DMTF1: variants seen among roughly 807,000 people sequenced by gnomAD.
DMTF1 encodes cyclin D binding myb like transcription factor 1, also known as cyclin-D-binding Myb-like transcription factor 1.
DMTF1 carries 39 observed loss-of-function variants against 91.1 expected under a neutral mutation model. The observed-to-expected ratio is 0.43, with a 90% CI of 0.33 to 0.56. The LOEUF (loss-of-function observed/expected upper bound fraction) is 0.56, where lower values mean the gene tolerates loss of function less well. DMTF1 is among the 20% of genes least tolerant of loss of function. The pLI is 0.05. For synonymous variants in DMTF1, 338 were observed against 309.5 expected (o/e 1.09, Z -0.97); for missense variants, 750 against 914.5 (o/e 0.82, Z 2.32).
In DMTF1 at chr7:87,191,935, C is replaced by T. The variant is rs137967279; in HGVS notation, c.1494+908C>T. On this transcript the variant is annotated intron_variant, in intron 14 of 17. Transcript: ENST00000331242. ...TAGTGCAAGACTTTATTCATCCTCT[C>T]CCCAGCCAAATCCCAAGAGGATGGC... Among the ~76,000 whole-genome samples, 106 of 152,226 alleles carry T rather than the reference C, an allele frequency of 7.0e-4. 2 individuals carry two copies. In the East Asian group the frequency reaches 0.016, roughly 23 times the overall value.
At chr7:87,185,524 G>A (rs1798217903) in intron 11 of DMTF1, among the ~76,000 whole-genome samples, 1 of 152,126 alleles carries the variant, frequency 6.6e-6, no homozygotes, top group African/African-American at 2.4e-5. Context: ...AACTAAATCT[G>A]TTCTTATTCT....
chr7:87,172,665 G>C (rs1795341676), intron 5 of DMTF1, among the ~76,000 whole-genome samples: 2 of 152,164 alleles, frequency 1.3e-5, no homozygotes, highest in African/African-American at 4.8e-5. Context: ...ACTGAATTGG[G>C]TTCAGTGGTC....
intron 12 of DMTF1, chr7:87,187,764 T>A (rs1444052319): frequency 6.7e-6 from 2 of 298,700 alleles, no homozygotes; most frequent in Admixed American, 4.8e-5. Flanking sequence ...GCATTGCCAG[T>A]ATTCTTCCTA....
At chr7:87,153,862 T>C (rs1789987089) in intron 1 of DMTF1, among the ~76,000 whole-genome samples, 1 of 152,260 alleles carries the variant, frequency 6.6e-6, no homozygotes, top group African/African-American at 2.4e-5. Flanking sequence ...TTCCACTATG[T>C]TGAAAGTATT....
intron 1 of DMTF1, among the ~76,000 whole-genome samples, chr7:87,159,545 C>A (rs1447129913): frequency 6.6e-6 from 1 of 152,172 alleles, no homozygotes; most frequent in East Asian, 1.9e-4. Flanking sequence ...TTTAAAGATA[C>A]ACAGCAAATG....
At chr7:87,186,816 A>C (rs1186813985) in intron 12 of DMTF1, 1 of 152,144 alleles carries the variant, frequency 6.6e-6, no homozygotes, top group African/African-American at 2.4e-5. Flanking sequence ...TGACAGAATC[A>C]CCTAATGGCT....
rs779982938 is a variant in DMTF1 at position 87,166,616 on chromosome 7, A to G, written c.232+11A>G. On this transcript the variant is annotated intron_variant, in intron 4 of 17. Transcript: ENST00000331242. The stretch of plus-strand genomic sequence containing the variant: ...TTGTTGCACTTCCACGTAAGTCACT[A>G]CGTATTAAGAGCCATAGAGTTCCCT... The G allele has an allele frequency of 4.5e-6, 7 of 1,560,866 alleles. No homozygotes were observed. In the East Asian group the frequency reaches 6.8e-5, roughly 15 times the overall value.
chr7:87,162,646 TG>T (rs1792763972), intron 1 of DMTF1, among the ~76,000 whole-genome samples: 1 of 152,194 alleles, frequency 6.6e-6, no homozygotes, highest in Non-Finnish European at 1.5e-5. Flanking sequence ...AAAAAATTAA[TG>T]GATTCAGAAT....
chr7:87,161,195 A>G (rs1048742403), intron 1 of DMTF1, among the ~76,000 whole-genome samples: 1 of 152,170 alleles, frequency 6.6e-6, no homozygotes, highest in Non-Finnish European at 1.5e-5. Flanking sequence ...AGGTGAGTCA[A>G]GAACATATTT....
rs765944918 is a variant in DMTF1 at position 87,195,080 on chromosome 7, C to T, written c.2223C>T (p.Ser741=). 2.5e-6 allele frequency: 4 copies of T among 1,612,286 alleles called. No homozygotes were observed. Among genetic ancestry groups the T allele is most frequent in the Non-Finnish European group, 3.4e-6 (4 of 1,178,964 alleles). Residue 741 remains serine, a synonymous_variant, in exon 18 of 18, where the codon TCC becomes TCT. Transcript: ENST00000331242. ...AAGAATCAAATATCATTGGATCATC[C>T]TTGGGCAGTCCTGTTTCAGAAGATT... ...HQEESNIIGS[S]LGSPVSEDSK...
chr7:87,175,979 CTG>C (rs1467033770), intron 7 of DMTF1, among the ~76,000 whole-genome samples: 1 of 152,160 alleles, frequency 6.6e-6, no homozygotes, highest in Non-Finnish European at 1.5e-5. Context: ...CTGGCCATCT[CTG>C]TAATGGAGTT....
At chr7:87,170,764 G>C (rs916085401) in intron 4 of DMTF1, among the ~76,000 whole-genome samples, 1 of 152,126 alleles carries the variant, frequency 6.6e-6, no homozygotes, top group Non-Finnish European at 1.5e-5. Context: ...ATGAAGAAAG[G>C]ATTTTTGTTT....
chr7:87,183,315 C>CA (rs1274475624), intron 10 of DMTF1, among the ~76,000 whole-genome samples: 3 of 152,192 alleles, frequency 2.0e-5, no homozygotes, highest in Admixed American at 1.3e-4. Context: ...GATAGGATCT[C>CA]AGAGTTTCAT....
intron 1 of DMTF1, among the ~76,000 whole-genome samples, chr7:87,154,836 A>G (rs1322540013): frequency 6.6e-6 from 1 of 152,106 alleles, no homozygotes; most frequent in African/African-American, 2.4e-5. Flanking sequence ...GAGATAGTGT[A>G]TGTATTTTAT....
At chr7:87,193,584 A>G in intron 15 of DMTF1, 141 bp from the exon 16 acceptor site, 1 of 906,148 alleles carries the variant, frequency 1.1e-6, no homozygotes, top group Non-Finnish European at 1.7e-6. Context: ...AGGCCCTAGC[A>G]AGTAAAGGAC....
chr7:87,160,209 C>T (rs1207870120), intron 1 of DMTF1, among the ~76,000 whole-genome samples: 1 of 151,870 alleles, frequency 6.6e-6, no homozygotes, highest in African/African-American at 2.4e-5. Context: ...GTCTTGATTG[C>T]ACTTGGTCCT....
At chr7:87,171,650 A>G (rs771184950) in intron 5 of DMTF1, among the ~76,000 whole-genome samples, 8 of 152,226 alleles carry the variant, frequency 5.3e-5, no homozygotes, top group Non-Finnish European at 1.0e-4. Flanking sequence ...TATATACATT[A>G]TAGGCATGAA....
intron 4 of DMTF1, among the ~76,000 whole-genome samples, chr7:87,170,633 T>C (rs1794847243): frequency 6.6e-6 from 1 of 152,162 alleles, no homozygotes; most frequent in African/African-American, 2.4e-5. Context: ...ATATAAAATT[T>C]CAAATACTAT....
At chr7:87,180,856 C>CTT (rs397889347) in intron 8 of DMTF1, among the ~76,000 whole-genome samples, 119 of 127,648 alleles carry the variant, frequency 9.3e-4, no homozygotes, top group African/African-American at 1.9e-3. Context: ...TTATTTTCAA[C>CTT]TTTTTTTTTT....
Sources: allele counts gnomAD v4.1 joint callset (sites outside exome capture counted in the v4.1 genomes callset), GRCh38; gene constraint gnomAD v4.1.1; transcripts MANE v1.5; gene names NCBI Gene and HGNC (gene_info 2026-07-23, HGNC 2026-07-21).